CTNNA3: variants seen among roughly 807,000 people sequenced by gnomAD.
CTNNA3 encodes the protein catenin alpha 3, also known as catenin alpha-3.
A neutral mutation model predicts 95.7 loss-of-function variants in CTNNA3; 76 were observed. The observed-to-expected ratio is 0.79, with a 90% confidence interval of 0.66 to 0.96. The LOEUF is 0.96. Ranked by LOEUF, CTNNA3 falls within the 40% of genes least tolerant of loss-of-function variation. The pLI is 0.00. For synonymous variants in CTNNA3, 431 were observed against 374.4 expected (o/e 1.15, Z -1.74); for missense variants, 1,191 against 1,089.8 (o/e 1.09, Z -1.31).
rs1294385831 is a variant in CTNNA3, at chr10:67,344,138, T to C, written c.580-124268A>G. On this transcript the variant is annotated intron_variant, in intron 5 of 17. Transcript: ENST00000433211. ...CATTCTGTTGATATGATATATCACATTGATTGTTTCATGTATGTTGAACCA... is the reference window on the plus strand; with the variant it reads ...CATTCTGTTGATATGATATATCACACTGATTGTTTCATGTATGTTGAACCA... Among the ~76,000 whole-genome samples, 8 of 152,094 alleles carry C rather than the reference T, an allele frequency of 5.3e-5. No homozygotes were observed. The East Asian group carries it at 1.4e-3, about 26-fold the overall frequency.
At chr10:67,136,916 G>A (rs190479912) in intron 7 of CTNNA3, among the ~76,000 whole-genome samples, 248 of 152,280 alleles carry the variant, frequency 1.6e-3, no homozygotes, top group African/African-American at 5.5e-3. Flanking sequence ...AAGATGATGA[G>A]TATTAGTTCA....
intron 17 of CTNNA3, among the ~76,000 whole-genome samples, chr10:65,944,170 G>A (rs930656520): frequency 2.0e-5 from 3 of 152,160 alleles, no homozygotes; most frequent in Non-Finnish European, 2.9e-5. Flanking sequence ...AATTTTTCTC[G>A]GCTTTCAAAT....
At chr10:67,751,154 C>T in intron 1 of CTNNA3, 1 of 1,297,150 alleles carries the variant, frequency 7.7e-7, no homozygotes, top group Non-Finnish European at 1.1e-6. Context: ...CCACACTCAG[C>T]TTCAACAGAA....
intron 14 of CTNNA3, among the ~76,000 whole-genome samples, chr10:66,076,606 GGTTAC>G (rs1371975883): frequency 6.6e-6 from 1 of 151,472 alleles, no homozygotes; most frequent in Non-Finnish European, 1.5e-5. Context: ...ACACCCAGTG[GGTTAC>G]TTTCACTGTT....
chr10:67,065,095 A>G (rs532481557), intron 7 of CTNNA3, among the ~76,000 whole-genome samples: 4 of 152,298 alleles, frequency 2.6e-5, no homozygotes, highest in East Asian at 1.9e-4. Context: ...AGCAATGCCC[A>G]TGATCCTATG....
chr10:67,439,218 AGG>A (rs1479445200), intron 5 of CTNNA3, among the ~76,000 whole-genome samples: 2 of 152,124 alleles, frequency 1.3e-5, no homozygotes. Flanking sequence ...ACAACAGGAT[AGG>A]GCATCAGGCA....
chr10:67,224,194 G>C (rs1864786940), intron 5 of CTNNA3, among the ~76,000 whole-genome samples: 1 of 152,128 alleles, frequency 6.6e-6, no homozygotes, highest in African/African-American at 2.4e-5. Context: ...TAGGTCCCTA[G>C]AACTTACTCA....
chr10:67,467,540 A>C (rs12244384), intron 5 of CTNNA3, among the ~76,000 whole-genome samples: 25,991 of 151,954 alleles, frequency 0.17, 3,506 homozygotes, highest in East Asian at 0.35. Flanking sequence ...AAAATGATAA[A>C]CATCTGATTC....
At chr10:66,116,851 A>G (rs1461809216) in intron 13 of CTNNA3, among the ~76,000 whole-genome samples, 1 of 152,122 alleles carries the variant, frequency 6.6e-6, no homozygotes, top group Non-Finnish European at 1.5e-5. Context: ...GAAGCGCTGC[A>G]CACTTTTAAA....
intron 7 of CTNNA3, among the ~76,000 whole-genome samples, chr10:67,090,101 T>G (rs183959338): frequency 1.1e-4 from 17 of 152,228 alleles, no homozygotes; most frequent in Admixed American, 1.0e-3. Flanking sequence ...CACAGGGATC[T>G]AACTTTAAAA....
At chr10:67,267,703 A>T (rs908041302) in intron 5 of CTNNA3, among the ~76,000 whole-genome samples, 1 of 152,216 alleles carries the variant, frequency 6.6e-6, no homozygotes, top group African/African-American at 2.4e-5. Flanking sequence ...ATACTGTGTG[A>T]TATTTAGAAA....
At chr10:67,341,610 A>C (rs901132059) in intron 5 of CTNNA3, among the ~76,000 whole-genome samples, 4 of 152,138 alleles carry the variant, frequency 2.6e-5, no homozygotes, top group Admixed American at 2.6e-4. Context: ...TGGACACTTA[A>C]GTTGCTTCCA....
chr10:66,433,161 C>T (rs4271281), intron 11 of CTNNA3, among the ~76,000 whole-genome samples: 58,052 of 151,904 alleles, frequency 0.38, 11,646 homozygotes, highest in African/African-American at 0.5. Flanking sequence ...TGGGTATATA[C>T]CCACTAATGG....
At chr10:66,318,447 C>T (rs953977416) in intron 12 of CTNNA3, among the ~76,000 whole-genome samples, 1 of 151,906 alleles carries the variant, frequency 6.6e-6, no homozygotes, top group Admixed American at 6.6e-5. Flanking sequence ...TGTATTCTGT[C>T]GTTGTGATCC....
chr10:67,485,388 T>A (rs1433346873), intron 5 of CTNNA3, among the ~76,000 whole-genome samples: 2 of 152,160 alleles, frequency 1.3e-5, no homozygotes, highest in African/African-American at 4.8e-5. Context: ...CTACCTATTG[T>A]GTACTATGCC....
At chr10:66,663,305 C>T (rs948380983) in intron 9 of CTNNA3, among the ~76,000 whole-genome samples, 2 of 151,920 alleles carry the variant, frequency 1.3e-5, no homozygotes, top group Admixed American at 6.6e-5. Flanking sequence ...ACTCCCAAAC[C>T]AATGCACCGT....
chr10:66,719,385 CTAAGT>C (rs1383473133), intron 9 of CTNNA3, among the ~76,000 whole-genome samples: 1 of 152,130 alleles, frequency 6.6e-6, no homozygotes, highest in Non-Finnish European at 1.5e-5. Context: ...CTTTCTGACC[CTAAGT>C]TAACATCTGA....
At chr10:67,727,552 A>T (rs1841243899) in intron 1 of CTNNA3, among the ~76,000 whole-genome samples, 1 of 129,600 alleles carries the variant, frequency 7.7e-6, no homozygotes, top group African/African-American at 2.8e-5. Flanking sequence ...ATAATAGATC[A>T]TATATAATAT....
At chr10:67,705,826 C>T (rs898123145) in intron 1 of CTNNA3, among the ~76,000 whole-genome samples, 2 of 151,170 alleles carry the variant, frequency 1.3e-5, no homozygotes, top group Non-Finnish European at 3.0e-5. Context: ...CATGCTCTTC[C>T]TCTCGTATGC....
Sources: allele counts gnomAD v4.1 joint callset (sites outside exome capture counted in the v4.1 genomes callset), GRCh38; gene constraint gnomAD v4.1.1; transcripts MANE v1.5; gene names NCBI Gene and HGNC (gene_info 2026-07-23, HGNC 2026-07-21).